The following ABL2 variants were observed in gnomAD, a reference collection of about 807,000 sequenced individuals.
ABL2 encodes tyrosine-protein kinase ABL2.
Under a neutral mutation model 107.7 loss-of-function variants are expected in ABL2, and 49 were observed. The ratio of observed to expected loss-of-function variants is 0.45; its 90% CI spans 0.36 to 0.58. The LOEUF is 0.58. Ranked by LOEUF, ABL2 falls within the 20% of genes least tolerant of loss-of-function variation. The probability of loss-of-function intolerance (pLI) is 0.00; values close to 1 mark genes in which losing one functional copy is unlikely to be tolerated. For missense variants in ABL2, 1,245 were observed against 1,457.0 expected (o/e 0.85, Z 2.37); for synonymous variants, 549 against 548.6 (o/e 1.00, Z -0.01).
At chr1:179,122,439 T>C (rs1655311782) in intron 4 of ABL2, among the ~76,000 whole-genome samples, 1 of 152,038 alleles carries the variant, frequency 6.6e-6, no homozygotes, top group African/African-American at 2.4e-5. Flanking sequence ...TTAATTGAGG[T>C]AAATAAAAAA....
Position 179,109,191 on chromosome 1 carries a change from A to C in ABL2, c.2076T>G (p.Val692=), listed in dbSNP as rs1398414214. ...KYELTGNFSS[V]ASLQHADGFS... ...ACCCATCAGCATGCTGTAGAGAAGC[A>C]ACAGATGAGAAGTTACCCGTGAGTT... The change falls in exon 12 of 12, where the codon GTT becomes GTG. Residue 692 remains valine, a synonymous_variant. Transcript: ENST00000502732. The C allele has an allele frequency of 6.2e-7, 1 of 1,613,994 alleles. No homozygotes were observed. The highest frequency in any genetic ancestry group is 1.7e-5 in the Admixed American group (1 of 59,998).
chr1:179,134,573 T>G lies in ABL2; in HGVS notation c.158-1199A>C, dbSNP rs535531341. On this transcript the variant is annotated intron_variant, in intron 1 of 11. Coordinates refer to ENST00000502732, the MANE Select transcript of ABL2 (RefSeq NM_007314.4). ...TCTGCGAACACCTACTTTCCTATAC[T>G]TACAGTAGGAAACACAGGAACGTTA... Among the ~76,000 whole-genome samples, 831 of 152,240 alleles carry G rather than the reference T, an allele frequency of 5.5e-3. 8 individuals are homozygous for G. The highest frequency in any genetic ancestry group is 0.019 in the African/African-American group (783 of 41,560).
chr1:179,112,182 A>T, intron 10 of ABL2, 127 bp downstream of exon 10: 1 of 697,318 alleles, frequency 1.4e-6, no homozygotes, highest in Non-Finnish European at 2.4e-6. Flanking sequence ...ATGTCCTTGT[A>T]GTTAAAAGTT....
rs1652914971 is a variant in ABL2 at position 179,099,436 on chromosome 1, T to C, written c.*8282A>G. 4.6e-6 allele frequency: 1 copy of C among 215,980 alleles called. No individual in the cohort carries two copies. The highest frequency in any genetic ancestry group is 1.9e-4 in the South Asian group (1 of 5,378). The allele number at this position is 215,980 out of a possible 1,614,324, so 13.4% of individuals were successfully genotyped here. On this transcript the variant is annotated 3_prime_UTR_variant, in exon 12 of 12. Transcript: ENST00000502732. ...CTTTCAAGGGCCTCATTTATTTACA[T>C]CAAGTTTAACACTGTTAGCAGTTCA...
At chr1:179,195,103 C>A (rs1261855588) in intron 1 of ABL2, among the ~76,000 whole-genome samples, 1 of 152,080 alleles carries the variant, frequency 6.6e-6, no homozygotes, top group Non-Finnish European at 1.5e-5. Flanking sequence ...GCCTGGCCAA[C>A]AAGGTGAAAC....
In ABL2 at chr1:179,145,430, T is replaced by A. The variant is rs548205582; in HGVS notation, c.158-12056A>T. 3.9e-5 allele frequency among the ~76,000 whole-genome samples: 6 copies of A among 152,332 alleles called. No homozygotes were observed. The East Asian group carries it at 9.6e-4, about 24-fold the overall frequency. ...CTGAAATTTTAATGAGAAATTTGAA[T>A]ACCTATTAATTCTAAAATAACAATA... On this transcript the variant is annotated intron_variant, in intron 1 of 11. Transcript: ENST00000502732.
intron 1 of ABL2, chr1:179,137,702 A>C (rs1365084011): frequency 1.3e-5 from 2 of 152,230 alleles, no homozygotes; most frequent in African/African-American, 4.8e-5. Flanking sequence ...AACTCAGTAT[A>C]TTAAATTTTA....
chr1:179,133,539 T>C (rs1239335168), intron 1 of ABL2, among the ~76,000 whole-genome samples, 165 bp from the exon 2 acceptor site: 1 of 152,208 alleles, frequency 6.6e-6, no homozygotes, highest in East Asian at 1.9e-4. Flanking sequence ...AATTGTAAAC[T>C]TTAATATACA....
At chr1:179,199,410 CT>C (rs974004440) in intron 1 of ABL2, among the ~76,000 whole-genome samples, 1 of 152,162 alleles carries the variant, frequency 6.6e-6, no homozygotes, top group Non-Finnish European at 1.5e-5. Context: ...TGTTTCTTCT[CT>C]CCTACTAATC....
chr1:179,210,515 A>AG (rs1558001381), intron 1 of ABL2, among the ~76,000 whole-genome samples: 1 of 149,348 alleles, frequency 6.7e-6, no homozygotes, highest in African/African-American at 2.5e-5. Context: ...AAAAAAAAAA[A>AG]AAAGAAAAAA....
intron 8 of ABL2, among the ~76,000 whole-genome samples, chr1:179,115,343 GAA>G (rs2102603787): frequency 6.6e-6 from 1 of 152,272 alleles, no homozygotes; most frequent in Admixed American, 6.5e-5. Context: ...ACTATTCTTA[GAA>G]AAGTTTTTGA....
At chr1:179,132,140 G>A (rs1656395181) in intron 2 of ABL2, among the ~76,000 whole-genome samples, 2 of 152,168 alleles carry the variant, frequency 1.3e-5, no homozygotes, top group Non-Finnish European at 2.9e-5. Flanking sequence ...CGGCCTGAAT[G>A]ACTTTTAAAC....
intron 1 of ABL2, among the ~76,000 whole-genome samples, chr1:179,166,140 A>G (rs1277947627): frequency 6.6e-6 from 1 of 152,144 alleles, no homozygotes; most frequent in Non-Finnish European, 1.5e-5. Context: ...CTAGAAAACA[A>G]CTAGAAGAAA....
chr1:179,167,452 T>C (rs1659454029), intron 1 of ABL2, among the ~76,000 whole-genome samples: 1 of 152,176 alleles, frequency 6.6e-6, no homozygotes, highest in Admixed American at 6.6e-5. Context: ...GTAAGAAGAT[T>C]AAAAATTCTA....
At chr1:179,189,222 G>A (rs1484107196) in intron 1 of ABL2, among the ~76,000 whole-genome samples, 1 of 152,066 alleles carries the variant, frequency 6.6e-6, no homozygotes, top group African/African-American at 2.4e-5. Flanking sequence ...TGCAACCTTC[G>A]TCTCCCAGGT....
intron 10 of ABL2, 131 bp from the exon 11 acceptor site, chr1:179,110,586 A>G (rs781653284): frequency 6.1e-5 from 92 of 1,498,854 alleles, no homozygotes; most frequent in Admixed American, 2.3e-4. Context: ...CGGAATCATA[A>G]AGTATGTACT....
chr1:179,215,939 G>C (rs1039111272), intron 1 of ABL2, among the ~76,000 whole-genome samples: 1 of 152,110 alleles, frequency 6.6e-6, no homozygotes, highest in Non-Finnish European at 1.5e-5. Flanking sequence ...TTAGCACACA[G>C]AGAGAAACAT....
At chr1:179,137,626 A>G (rs1657159260) in intron 1 of ABL2, 1 of 152,234 alleles carries the variant, frequency 6.6e-6, no homozygotes, top group Admixed American at 6.5e-5. Flanking sequence ...AATAAGCAGA[A>G]GCCAACTCTT....
At chr1:179,115,530 C>T (rs1654535567) in intron 8 of ABL2, among the ~76,000 whole-genome samples, 2 of 152,282 alleles carry the variant, frequency 1.3e-5, no homozygotes, top group African/African-American at 2.4e-5. Flanking sequence ...TTCTCCTTCC[C>T]GCCTCGCACA....
Sources: allele counts gnomAD v4.1 joint callset (sites outside exome capture counted in the v4.1 genomes callset), GRCh38; gene constraint gnomAD v4.1.1; transcripts MANE v1.5; gene names NCBI Gene and HGNC (gene_info 2026-07-23, HGNC 2026-07-21).